NDUFS4: variants seen among roughly 807,000 people sequenced by gnomAD.
NDUFS4 encodes the protein NADH:ubiquinone oxidoreductase subunit S4.
A neutral mutation model predicts 24.3 loss-of-function variants in NDUFS4; 28 were observed. The observed-to-expected ratio is 1.15, with a 90% CI of 0.85 to 1.58. NDUFS4 has a LOEUF of 1.58. Ranked by LOEUF, NDUFS4 falls within the 40% of genes most tolerant of loss-of-function variation. The pLI is 0.00. For missense variants in NDUFS4, 223 were observed against 207.9 expected (o/e 1.07, Z -0.45); for synonymous variants, 93 against 69.7 (o/e 1.34, Z -1.67).
Position 53,683,179 on chromosome 5 carries a change from A to AAAC in NDUFS4, c.487_489dup (p.Asn163dup), listed in dbSNP as rs1056500317. ...AACCCAAGTCCAAGTCTTATGGTGCAAACTTTTCTTGGAACAAAAGAACAA... is the reference window on the plus strand; with the variant it reads ...AACCCAAGTCCAAGTCTTATGGTGCAAACAACTTTTCTTGGAACAAAAGAACAA... On this transcript the variant is annotated inframe_insertion, in exon 5 of 5. Transcript: ENST00000296684. The AAAC allele has an allele frequency of 2.5e-6, 4 of 1,612,544 alleles. No homozygotes were observed. The highest frequency in any genetic ancestry group is 3.4e-6 in the Non-Finnish European group (4 of 1,178,870).
Position 53,682,500 on chromosome 5 carries a change from C to T in NDUFS4, c.425-618C>T, listed in dbSNP as rs145294329. Among the ~76,000 whole-genome samples the T allele has an allele frequency of 4.5e-3, 669 of 150,158 alleles. 5 individuals carry two copies. Among genetic ancestry groups the T allele is most frequent in the African/African-American group, 0.016 (644 of 40,540 alleles). On this transcript the variant is annotated intron_variant, in intron 4 of 4. Transcript: ENST00000296684. ...ATTTGCGCTCTTTATCAGGTACTCC[C>T]ATCTGAGTCCAATTAGTGCAGATAG...
In NDUFS4 at chr5:53,598,172, G is replaced by A. The variant is rs574326690; in HGVS notation, c.99-5280G>A. 9.9e-5 allele frequency among the ~76,000 whole-genome samples: 8 copies of A among 80,568 alleles called. No homozygotes were observed. The East Asian group carries it at 3.4e-3, about 34-fold the overall frequency. 52.9% of individuals were successfully genotyped at this position (80,568 alleles called of 152,430 possible). On this transcript the variant is annotated intron_variant, in intron 1 of 4. Coordinates refer to ENST00000296684, the MANE Select transcript of NDUFS4 (RefSeq NM_002495.4). ...GTTGGTGACAATGCAAAATGGTACA[G>A]CACTTTGGAAGAGTCTGGCAGTTTC...
At position 53,591,463 on chromosome 5, in the gene NDUFS4, G is replaced by GT. The variant is rs900138429; in HGVS notation, c.99-11989_99-11988insT. ...TGCTACTTTTTGTTTGTTTTTTTTGGGGGGGGGGGGTGATAATAACTATCG... is the reference window on the plus strand; with the variant it reads ...TGCTACTTTTTGTTTGTTTTTTTTGGTGGGGGGGGGGTGATAATAACTATCG... On this transcript the variant is annotated intron_variant, in intron 1 of 4. Transcript: ENST00000296684. Among the ~76,000 whole-genome samples, 5 of 45,144 alleles carry GT rather than the reference G, an allele frequency of 1.1e-4. 1 individual carries two copies. The highest frequency in any genetic ancestry group is 3.4e-4 in the African/African-American group (5 of 14,808). 29.6% of individuals were successfully genotyped at this position (45,144 alleles called of 152,430 possible).
chr5:53,577,646 G>A (rs546627084), intron 1 of NDUFS4, among the ~76,000 whole-genome samples: 3 of 151,874 alleles, frequency 2.0e-5, no homozygotes, highest in Non-Finnish European at 4.4e-5. Flanking sequence ...ATTTTCCCAG[G>A]GTTGTAAAAG....
chr5:53,667,085 A>C (rs952021154), intron 4 of NDUFS4, among the ~76,000 whole-genome samples: 1 of 152,200 alleles, frequency 6.6e-6, no homozygotes, highest in Non-Finnish European at 1.5e-5. Context: ...AACATGTAGC[A>C]TTCTATGTCC....
At chr5:53,627,268 G>A (rs1347428949) in intron 2 of NDUFS4, among the ~76,000 whole-genome samples, 1 of 152,122 alleles carries the variant, frequency 6.6e-6, no homozygotes, top group Non-Finnish European at 1.5e-5. Context: ...GTACCATGTT[G>A]TTTTGGTTAC....
intron 2 of NDUFS4, among the ~76,000 whole-genome samples, chr5:53,617,788 T>C (rs1750891509): frequency 6.6e-6 from 1 of 152,222 alleles, no homozygotes; most frequent in Non-Finnish European, 1.5e-5. Context: ...TTTGAAATGT[T>C]CACTCTAGTG....
chr5:53,612,269 T>C (rs1018805234), intron 2 of NDUFS4, among the ~76,000 whole-genome samples: 1 of 152,086 alleles, frequency 6.6e-6, no homozygotes, highest in Non-Finnish European at 1.5e-5. Context: ...TTTACATTGT[T>C]TTCATTTATA....
At chr5:53,663,313 T>C (rs563738541) in intron 4 of NDUFS4, among the ~76,000 whole-genome samples, 90 of 152,310 alleles carry the variant, frequency 5.9e-4, no homozygotes, top group African/African-American at 2.0e-3. Context: ...TTCTGTTGAT[T>C]TGGGGTGGAG....
intron 2 of NDUFS4, among the ~76,000 whole-genome samples, chr5:53,609,007 G>A (rs753491843): frequency 6.6e-6 from 1 of 152,196 alleles, no homozygotes; most frequent in Non-Finnish European, 1.5e-5. Flanking sequence ...GTGACAATAA[G>A]TGGGAAGTGG....
At chr5:53,589,509 T>A (rs918180291) in intron 1 of NDUFS4, among the ~76,000 whole-genome samples, 4 of 152,220 alleles carry the variant, frequency 2.6e-5, no homozygotes, top group African/African-American at 9.6e-5. Flanking sequence ...TCATTTCCCC[T>A]TATACTTCAC....
chr5:53,599,908 C>G (rs1750257295), intron 1 of NDUFS4, among the ~76,000 whole-genome samples: 1 of 151,994 alleles, frequency 6.6e-6, no homozygotes, highest in South Asian at 2.1e-4. Context: ...ACAGGCTAAT[C>G]AACAAACAGA....
chr5:53,639,309 C>T lies in NDUFS4; in HGVS notation c.178-6924C>T, dbSNP rs564331004. ...TTAATACTATTATGATTTCTAGAAA[C>T]ATGCTTCCTTATAGTACAATTTCTC... On this transcript the variant is annotated intron_variant, in intron 2 of 4. Coordinates refer to ENST00000296684, the MANE Select transcript of NDUFS4 (RefSeq NM_002495.4). 5.2e-4 allele frequency among the ~76,000 whole-genome samples: 79 copies of T among 151,928 alleles called. 1 individual carries two copies. Among genetic ancestry groups the T allele is most frequent in the Non-Finnish European group, 9.4e-4 (64 of 67,882 alleles).
chr5:53,635,897 T>G (rs1276928084), intron 2 of NDUFS4, among the ~76,000 whole-genome samples: 2 of 65,952 alleles, frequency 3.0e-5, no homozygotes, highest in African/African-American at 2.0e-4. Flanking sequence ...CATAAAATAG[T>G]TTCTTAGTAG....
In NDUFS4 at chr5:53,560,641, C is replaced by A. The variant is rs144843461; in HGVS notation, c.-22C>A. 259 of 1,614,252 alleles carry A rather than the reference C, an allele frequency of 1.6e-4. 3 individuals are homozygous for A. The East Asian group carries it at 5.7e-3, about 35-fold the overall frequency. On this transcript the variant is annotated 5_prime_UTR_variant, in exon 1 of 5. Coordinates refer to ENST00000296684, the MANE Select transcript of NDUFS4 (RefSeq NM_002495.4). ...CCCTTGCGGTGATCCGTCCTTTCAT[C>A]CTGGCGTTTGCCTGCAGCAAGATGG... is the stretch of plus-strand genomic sequence containing the variant.
In NDUFS4 at chr5:53,659,158, A is replaced by T. The variant is rs992599825; in HGVS notation, c.424+534A>T. 6.6e-5 allele frequency among the ~76,000 whole-genome samples: 10 copies of T among 152,110 alleles called. No individual in the cohort carries two copies. In the East Asian group the frequency reaches 1.9e-3, roughly 29 times the overall value. ...GGGCCTAATACCAAGCCTAATCTCA[A>T]CTGTATAATAATATTAATGTGGCCT... is the stretch of plus-strand genomic sequence containing the variant. On this transcript the variant is annotated intron_variant, in intron 4 of 4. Transcript: ENST00000296684.
chr5:53,583,649 A>C (rs1383257761), intron 1 of NDUFS4, among the ~76,000 whole-genome samples: 1 of 152,252 alleles, frequency 6.6e-6, no homozygotes, highest in East Asian at 1.9e-4. Context: ...TTTGGAAATA[A>C]AAGCAACTCA....
intron 4 of NDUFS4, among the ~76,000 whole-genome samples, chr5:53,672,136 C>T (rs533914678): frequency 6.6e-6 from 1 of 151,792 alleles, no homozygotes. Flanking sequence ...AGAATTATCC[C>T]AGAAGTGAAC....
intron 2 of NDUFS4, among the ~76,000 whole-genome samples, chr5:53,608,640 A>T (rs547216330): frequency 1.3e-5 from 2 of 152,240 alleles, no homozygotes; most frequent in African/African-American, 4.8e-5. Context: ...GATTTGTTCC[A>T]GTTTAATCAT....
Sources: allele counts gnomAD v4.1 joint callset (sites outside exome capture counted in the v4.1 genomes callset), GRCh38; gene constraint gnomAD v4.1.1; transcripts MANE v1.5; gene names NCBI Gene and HGNC (gene_info 2026-07-23, HGNC 2026-07-21).